POLD3: variants seen among roughly 807,000 people sequenced by gnomAD.
POLD3 encodes the protein DNA polymerase delta 3, accessory subunit, also known as DNA polymerase delta subunit 3.
Under a neutral mutation model 58.2 loss-of-function variants are expected in POLD3, and 19 were observed. The observed-to-expected ratio is 0.33, with a 90% confidence interval of 0.23 to 0.48. The LOEUF is 0.48. Among genes scored for constraint, POLD3 ranks in the 20% least tolerant of loss-of-function variants. The pLI is 0.99. For missense variants in POLD3, 504 were observed against 545.5 expected, an observed-to-expected ratio of 0.92 and a Z score of 0.76; for synonymous variants, 172 against 193.5, an observed-to-expected ratio of 0.89 and a Z score of 0.92.
At chr11:74,653,558 G>A (rs1159216429) in intron 4 of POLD3, among the ~76,000 whole-genome samples, 3 of 152,004 alleles carry the variant, frequency 2.0e-5, no homozygotes, top group African/African-American at 7.3e-5. Flanking sequence ...TAACTCCAAA[G>A]TATAGTTAAT....
chr11:74,595,205 T>C (rs922339786), intron 2 of POLD3: 3 of 133,100 alleles, frequency 2.3e-5, no homozygotes, highest in Non-Finnish European at 4.8e-5. Context: ...GGGGTTTCAC[T>C]ATGTTGCCCA....
chr11:74,663,360 T>G (rs1334739071), intron 4 of POLD3, among the ~76,000 whole-genome samples: 1 of 152,244 alleles, frequency 6.6e-6, no homozygotes, highest in Non-Finnish European at 1.5e-5. Context: ...GGCTTTTTTG[T>G]AGAAATTGGT....
intron 7 of POLD3, among the ~76,000 whole-genome samples, chr11:74,623,215 C>T (rs903885489): frequency 3.3e-5 from 5 of 152,032 alleles, no homozygotes; most frequent in African/African-American, 4.8e-5. Flanking sequence ...GGGCGGATCA[C>T]GAGGTCAGGA....
rs189904676 is a variant in POLD3, at chr11:74,656,007, C to T, written c.370-12770C>T. On this transcript the variant is annotated intron_variant, in intron 4 of 4. Coordinates refer to the POLD3 transcript ENST00000524752. The stretch of plus-strand genomic sequence containing the variant: ...CGTGACAGGATACGAGGCCAATATA[C>T]AAGATTCAATCTTTTGTATATCAGC... Among the ~76,000 whole-genome samples, 194 of 152,252 alleles carry T rather than the reference C, an allele frequency of 1.3e-3. 3 individuals carry two copies. The highest frequency in any genetic ancestry group is 4.6e-3 in the African/African-American group (190 of 41,546).
At chr11:74,656,871 A>AAT (rs2033143137) in intron 4 of POLD3, among the ~76,000 whole-genome samples, 2 of 151,894 alleles carry the variant, frequency 1.3e-5, no homozygotes, top group Admixed American at 1.3e-4. Flanking sequence ...ATGTTCTCTA[A>AAT]ATAACTACTA....
At chr11:74,595,729 C>A (rs1230959021) in intron 2 of POLD3, among the ~76,000 whole-genome samples, 2 of 152,164 alleles carry the variant, frequency 1.3e-5, no homozygotes, top group African/African-American at 2.4e-5. Context: ...GTGATTTTCC[C>A]ACCTCAGCCT....
At chr11:74,626,306 C>T (rs763297533) in intron 8 of POLD3, among the ~76,000 whole-genome samples, 4 of 152,198 alleles carry the variant, frequency 2.6e-5, no homozygotes, top group African/African-American at 9.7e-5. Flanking sequence ...GGGTACGTCA[C>T]TCACTGTTGA....
intron 4 of POLD3, among the ~76,000 whole-genome samples, chr11:74,648,630 T>C (rs533246748): frequency 2.6e-5 from 4 of 152,114 alleles, no homozygotes; most frequent in East Asian, 1.9e-4. Context: ...ACAGACTGTT[T>C]AGAGAGTTGT....
At chr11:74,654,081 G>A (rs1317543648) in intron 4 of POLD3, among the ~76,000 whole-genome samples, 1 of 152,146 alleles carries the variant, frequency 6.6e-6, no homozygotes, top group African/African-American at 2.4e-5. Flanking sequence ...ACCAAACCAT[G>A]AGTGATCCCC....
rs547763660 is a variant in POLD3, at chr11:74,626,637, C to T, written c.899+1064C>T. 3.7e-4 allele frequency among the ~76,000 whole-genome samples: 57 copies of T among 152,270 alleles called. No homozygotes were observed. The South Asian group carries it at 0.011, about 30-fold the overall frequency. ...CTGGATTAGATTTGTTAATATTACA[C>T]TAAGCATTTGTTGCCTGTGTTTATG... On this transcript the variant is annotated intron_variant, in intron 8 of 11. Coordinates refer to ENST00000263681, the MANE Select transcript of POLD3 (RefSeq NM_006591.3).
At chr11:74,596,317 G>C (rs1326960203) in intron 2 of POLD3, among the ~76,000 whole-genome samples, 1 of 151,306 alleles carries the variant, frequency 6.6e-6, no homozygotes, top group South Asian at 2.1e-4. Flanking sequence ...CGAGGTAGCT[G>C]GGACTACAGG....
chr11:74,659,015 C>T (rs2033171535), intron 4 of POLD3, among the ~76,000 whole-genome samples: 1 of 152,226 alleles, frequency 6.6e-6, no homozygotes, highest in Non-Finnish European at 1.5e-5. Context: ...TTCTGTACTG[C>T]CCTAGCAGAG....
chr11:74,607,604 CAG>C (rs1343896750), intron 3 of POLD3, among the ~76,000 whole-genome samples: 4 of 151,796 alleles, frequency 2.6e-5, no homozygotes, highest in African/African-American at 7.2e-5. Flanking sequence ...TTTTTTGAGA[CAG>C]GGTCTCACTT....
intron 11 of POLD3, among the ~76,000 whole-genome samples, chr11:74,636,589 A>T (rs902115378): frequency 6.6e-6 from 1 of 152,226 alleles, no homozygotes; most frequent in South Asian, 2.1e-4. Context: ...ATGAAGATTC[A>T]GGTGGCATAA....
chr11:74,605,821 C>T, intron 3 of POLD3, among the ~76,000 whole-genome samples: 1 of 152,188 alleles, frequency 6.6e-6, no homozygotes, highest in East Asian at 1.9e-4. Flanking sequence ...CAGTGCCTTG[C>T]TGCTGTGATC....
chr11:74,601,974 A>G (rs2031515153), intron 2 of POLD3, among the ~76,000 whole-genome samples: 2 of 152,176 alleles, frequency 1.3e-5, no homozygotes, highest in African/African-American at 2.4e-5. Context: ...AAGGATGAAG[A>G]TAGTGTAGGT....
chr11:74,621,976 C>T (rs920614120), intron 7 of POLD3, among the ~76,000 whole-genome samples: 2 of 151,902 alleles, frequency 1.3e-5, no homozygotes, highest in Non-Finnish European at 2.9e-5. Context: ...CCCATTAACT[C>T]GTCATTTAGC....
In POLD3 at chr11:74,601,245, C is replaced by T. The variant is rs116306145; in HGVS notation, c.117-3447C>T. ...CTTCCTTTAGCATGGTCCAAACTAG[C>T]ATCAATAAACCAAAATGTTTGTGGA... On this transcript the variant is annotated intron_variant, in intron 2 of 11. Coordinates refer to ENST00000263681, the MANE Select transcript of POLD3 (RefSeq NM_006591.3). 7.2e-3 allele frequency among the ~76,000 whole-genome samples: 1,102 copies of T among 152,206 alleles called. 18 individuals are homozygous for T. Among genetic ancestry groups the T allele is most frequent in the African/African-American group, 0.025 (1,030 of 41,518 alleles).
At chr11:74,610,100 A>G (rs894253396) in intron 3 of POLD3, among the ~76,000 whole-genome samples, 1 of 152,106 alleles carries the variant, frequency 6.6e-6, no homozygotes, top group Non-Finnish European at 1.5e-5. Context: ...TCTTGTTCCC[A>G]CCAACAATGT....
Sources: gnomAD v4.1 joint callset for allele counts (sites outside exome capture counted in the v4.1 genomes callset) on GRCh38, gnomAD v4.1.1 for gene constraint, MANE v1.5 for transcripts, NCBI Gene and HGNC (gene_info 2026-07-23, HGNC 2026-07-21) for gene names.